OXR1: variants seen among roughly 807,000 people sequenced by gnomAD.
The protein encoded by OXR1 is oxidation resistance 1, also known as oxidation resistance protein 1.
Under a neutral mutation model 104.6 loss-of-function variants are expected in OXR1, and 41 were observed. That is an observed-to-expected ratio of 0.39 (90% CI 0.31 to 0.51). OXR1 has a LOEUF of 0.51. OXR1 is among the 20% of genes least tolerant of loss of function. The pLI is 0.77. For synonymous variants in OXR1, 348 were observed against 348.4 expected (o/e 1.00, Z 0.01); for missense variants, 955 against 1,031.9 (o/e 0.93, Z 1.02).
chr8:106,554,912 T>C (rs1816146163), intron 3 of OXR1, among the ~76,000 whole-genome samples: 3 of 152,130 alleles, frequency 2.0e-5, no homozygotes, highest in South Asian at 2.1e-4. Flanking sequence ...TGTGAAAAAA[T>C]GTTATTGTAT....
chr8:106,609,913 A>G (rs1232688890), intron 3 of OXR1, among the ~76,000 whole-genome samples: 2 of 152,112 alleles, frequency 1.3e-5, no homozygotes, highest in Non-Finnish European at 2.9e-5. Flanking sequence ...AAGTATGAAC[A>G]ATAGTTGAAT....
chr8:106,511,618 G>T (rs1487695886), intron 2 of OXR1, among the ~76,000 whole-genome samples: 1 of 152,140 alleles, frequency 6.6e-6, no homozygotes, highest in Non-Finnish European at 1.5e-5. Context: ...AATGTGTATA[G>T]CTACTACTAG....
At chr8:106,599,531 A>G (rs1403979622) in intron 3 of OXR1, among the ~76,000 whole-genome samples, 7 of 152,132 alleles carry the variant, frequency 4.6e-5, no homozygotes, top group Non-Finnish European at 1.5e-5. Context: ...CAAATTTCTT[A>G]CTGGAAAAGG....
chr8:106,351,993 T>C (rs1158589676), intron 1 of OXR1, among the ~76,000 whole-genome samples: 2 of 152,106 alleles, frequency 1.3e-5, no homozygotes, highest in Non-Finnish European at 1.5e-5. Context: ...TCTGACACCA[T>C]AGTAGTCCCT....
In OXR1 at chr8:106,678,789, ATTTTT is replaced by A. The variant is rs139367660; in HGVS notation, c.221-419_221-415del. On this transcript the variant is annotated intron_variant, in intron 3 of 16. Transcript: ENST00000517566. ...ATTTTTCATTATGACTTGTAGAAAA[ATTTTT>A]TCCTGTGAGAACTAATGTTACAATT... Among the ~76,000 whole-genome samples the A allele has an allele frequency of 9.6e-3, 1,454 of 151,982 alleles. 27 individuals are homozygous for A. Among genetic ancestry groups the A allele is most frequent in the African/African-American group, 0.033 (1,360 of 41,516 alleles).
intron 2 of OXR1, among the ~76,000 whole-genome samples, chr8:106,361,367 C>T (rs1419388874): frequency 6.6e-6 from 1 of 152,182 alleles, no homozygotes; most frequent in Admixed American, 6.5e-5. Context: ...TTTATCAGCA[C>T]TATCCTCGAT....
intron 11 of OXR1, among the ~76,000 whole-genome samples, chr8:106,715,328 T>C (rs370898757): frequency 4.8e-4 from 73 of 151,274 alleles, no homozygotes; most frequent in African/African-American, 1.7e-3. Flanking sequence ...GAGGGAACTT[T>C]ATTGCGTTCT....
chr8:106,331,010 T>C (rs1401511105), intron 1 of OXR1, among the ~76,000 whole-genome samples: 1 of 152,240 alleles, frequency 6.6e-6, no homozygotes, highest in African/African-American at 2.4e-5. Flanking sequence ...TAAAGTTTTA[T>C]TATAAATATC....
At chr8:106,572,378 A>G (rs1817534226) in intron 3 of OXR1, among the ~76,000 whole-genome samples, 1 of 152,210 alleles carries the variant, frequency 6.6e-6, no homozygotes, top group African/African-American at 2.4e-5. Flanking sequence ...TTTTTAGGCC[A>G]CATGTTTAGT....
At chr8:106,319,204 G>A (rs1338745031) in intron 1 of OXR1, among the ~76,000 whole-genome samples, 1 of 152,186 alleles carries the variant, frequency 6.6e-6, no homozygotes. Flanking sequence ...TTTCGGGTTG[G>A]TGTCTATCTG....
rs192412398 is a variant in OXR1, at chr8:106,744,153, C to G, written c.2413-1636C>G. On this transcript the variant is annotated intron_variant, in intron 15 of 16. Transcript: ENST00000517566. The stretch of plus-strand genomic sequence containing the variant: ...CTGTGCAGCAAACCACTGTGGCACA[C>G]GTTTACCTGTGTAACAAACCTGTGC... Among the ~76,000 whole-genome samples the G allele has an allele frequency of 2.6e-3, 400 of 152,214 alleles. 1 individual carries two copies. Among genetic ancestry groups the G allele is most frequent in the Non-Finnish European group, 4.3e-3 (290 of 68,010 alleles).
intron 16 of OXR1, among the ~76,000 whole-genome samples, chr8:106,747,327 A>G (rs758761049): frequency 3.9e-5 from 6 of 152,228 alleles, no homozygotes; most frequent in African/African-American, 9.6e-5. Context: ...AAATCCTAGT[A>G]TAGTATCTGG....
intron 2 of OXR1, among the ~76,000 whole-genome samples, chr8:106,406,519 A>T (rs1215632500): frequency 6.6e-6 from 1 of 152,216 alleles, no homozygotes; most frequent in East Asian, 1.9e-4. Flanking sequence ...CAGTGCTGAA[A>T]AGAAATGAGC....
intron 3 of OXR1, among the ~76,000 whole-genome samples, chr8:106,639,764 A>G (rs1652820142): frequency 6.6e-6 from 1 of 152,204 alleles, no homozygotes; most frequent in South Asian, 2.1e-4. Flanking sequence ...TGTATAAACT[A>G]TTGATTAATG....
chr8:106,333,499 C>G (rs966029895), intron 1 of OXR1, among the ~76,000 whole-genome samples: 2 of 151,902 alleles, frequency 1.3e-5, no homozygotes, highest in Non-Finnish European at 2.9e-5. Context: ...TCCAACTTAC[C>G]TTTTTCTGTT....
intron 16 of OXR1, among the ~76,000 whole-genome samples, chr8:106,749,644 C>G (rs1835708088): frequency 6.6e-6 from 1 of 152,036 alleles, no homozygotes; most frequent in African/African-American, 2.4e-5. Context: ...AATATAACTG[C>G]CCATATTTTT....
intron 1 of OXR1, among the ~76,000 whole-genome samples, chr8:106,307,773 G>A (rs1466474842): frequency 6.6e-6 from 1 of 152,114 alleles, no homozygotes; most frequent in Admixed American, 6.6e-5. Context: ...AAGAAGCAAT[G>A]TAAGTGTCGA....
At chr8:106,459,820 C>T (rs1453211) in intron 2 of OXR1, among the ~76,000 whole-genome samples, 16,318 of 152,130 alleles carry the variant, frequency 0.11, 2,959 homozygotes, top group African/African-American at 0.37. Flanking sequence ...TCACTAATTT[C>T]GTAAAAGACA....
At chr8:106,504,694 G>C (rs992266284) in intron 2 of OXR1, among the ~76,000 whole-genome samples, 27 of 152,180 alleles carry the variant, frequency 1.8e-4, no homozygotes, top group African/African-American at 6.3e-4. Flanking sequence ...TGTACTTTTT[G>C]TTATCATCAG....
Sources: gnomAD v4.1 joint callset for allele counts (sites outside exome capture counted in the v4.1 genomes callset) on GRCh38, gnomAD v4.1.1 for gene constraint, MANE v1.5 for transcripts, NCBI Gene and HGNC (gene_info 2026-07-23, HGNC 2026-07-21) for gene names.